The following WRN variants were observed in gnomAD, a reference collection of about 807,000 sequenced individuals.
The protein encoded by WRN is WRN RecQ like helicase.
A neutral mutation model predicts 180.7 loss-of-function variants in WRN; 149 were observed. The observed-to-expected ratio is 0.82, with a 90% confidence interval of 0.72 to 0.94. The LOEUF (loss-of-function observed/expected upper bound fraction) is 0.94. WRN is among the 40% of genes least tolerant of loss of function. The pLI is 0.00. For synonymous variants in WRN, 548 were observed against 568.9 expected (o/e 0.96, Z 0.52); for missense variants, 1,661 against 1,700.1 (o/e 0.98, Z 0.40).
At chr8:31,156,624 C>G (rs1182918833) in intron 32 of WRN, among the ~76,000 whole-genome samples, 1 of 152,184 alleles carries the variant, frequency 6.6e-6, no homozygotes, top group Non-Finnish European at 1.5e-5. Flanking sequence ...AGTCTAAATT[C>G]AGACTTTGAA....
chr8:31,073,322 T>C (rs1317266230), intron 7 of WRN, among the ~76,000 whole-genome samples: 1 of 152,112 alleles, frequency 6.6e-6, no homozygotes, highest in East Asian at 1.9e-4. Flanking sequence ...AAGATATATA[T>C]TGTGAAGGAT....
chr8:31,103,351 G>T (rs1278847390), intron 18 of WRN, among the ~76,000 whole-genome samples: 1 of 152,214 alleles, frequency 6.6e-6, no homozygotes, highest in Non-Finnish European at 1.5e-5. Flanking sequence ...GTATATAATT[G>T]TATGTGCTAT....
rs1202899288 is a variant in WRN, at chr8:31,150,426, A to G, written c.3658A>G (p.Lys1220Glu). Residue 1220 changes from lysine (K) to glutamate (E), a missense_variant, in exon 31 of 35, where the codon AAA (lysine) becomes GAA (glutamate). Around this residue, in one of 3 missense-constraint regions of WRN, gnomAD observed 1,141 missense variants for 1,149.4 expected, o/e 0.99. Coordinates refer to ENST00000298139, the MANE Select transcript of WRN (RefSeq NM_000553.6). ...AMLAPLLEVI[K>E]HFCQTNSVQT... is the part of the protein sequence containing the mutation. Reference sequence around the variant, plus strand: ...GTTGGCCCCTCTGTTGGAAGTCATCAAACATTTCTGCCAAACAAATAGTGT... The same window carrying G: ...GTTGGCCCCTCTGTTGGAAGTCATCGAACATTTCTGCCAAACAAATAGTGT... The G allele has an allele frequency of 6.2e-6, 10 of 1,614,044 alleles. No homozygotes were observed. Among genetic ancestry groups the G allele is most frequent in the African/African-American group, 1.3e-5 (1 of 74,940 alleles).
At position 31,121,773 on chromosome 8, in the gene WRN, TGAGTA is replaced by T. The variant is rs537960639; in HGVS notation, c.2630+1351_2630+1355del. On this transcript the variant is annotated intron_variant, in intron 21 of 34. Coordinates refer to ENST00000298139, the MANE Select transcript of WRN (RefSeq NM_000553.6). ...GATGCAAATTTTAAGATTTTCCTTC[TGAGTA>T]GTCAGTAGCTTTTCCTTCTTAACAT... 5.7e-3 allele frequency among the ~76,000 whole-genome samples: 865 copies of T among 152,104 alleles called. 11 individuals carry two copies. Among genetic ancestry groups the T allele is most frequent in the African/African-American group, 0.019 (781 of 41,542 alleles).
At chr8:31,037,761 A>C (rs1425362502) in intron 1 of WRN, among the ~76,000 whole-genome samples, 1 of 152,154 alleles carries the variant, frequency 6.6e-6, no homozygotes, top group African/African-American at 2.4e-5. Context: ...TCTTTATGCC[A>C]GTACCGTGCT....
At chr8:31,129,322 C>T (rs1003667241) in intron 23 of WRN, among the ~76,000 whole-genome samples, 4 of 152,158 alleles carry the variant, frequency 2.6e-5, no homozygotes, top group Admixed American at 6.5e-5. Context: ...CACAGCCATG[C>T]CTTTTGTTTA....
intron 7 of WRN, among the ~76,000 whole-genome samples, chr8:31,071,352 C>T (rs546585249): frequency 6.6e-6 from 1 of 152,074 alleles, no homozygotes; most frequent in South Asian, 2.1e-4. Context: ...GAATAAAAAA[C>T]GGATATAGGA....
At chr8:31,153,622 A>G (rs1452896607) in intron 31 of WRN, among the ~76,000 whole-genome samples, 1 of 152,114 alleles carries the variant, frequency 6.6e-6, no homozygotes, top group African/African-American at 2.4e-5. Context: ...TAATCCCCCA[A>G]AGTATTTGGC....
intron 1 of WRN, among the ~76,000 whole-genome samples, chr8:31,052,494 T>G (rs1480473232): frequency 6.6e-6 from 1 of 152,116 alleles, no homozygotes; most frequent in Non-Finnish European, 1.5e-5. Context: ...CTCAAGTGAT[T>G]CTTGTGCCTC....
intron 6 of WRN, among the ~76,000 whole-genome samples, chr8:31,067,602 G>A (rs1812762258): frequency 6.6e-6 from 1 of 152,152 alleles, no homozygotes; most frequent in Admixed American, 6.5e-5. Flanking sequence ...TATATAAAAT[G>A]TGGTGAAATT....
At chr8:31,068,434 T>C in intron 7 of WRN, 107 bp downstream of exon 7, 6 of 927,080 alleles carry the variant, frequency 6.5e-6, no homozygotes, top group Non-Finnish European at 5.1e-6. Context: ...TATAACTTCT[T>C]GAATGTCTGA....
At chr8:31,079,032 T>C (rs952805173) in intron 8 of WRN, among the ~76,000 whole-genome samples, 5 of 152,236 alleles carry the variant, frequency 3.3e-5, no homozygotes, top group Non-Finnish European at 7.3e-5. Context: ...TACTAAACTA[T>C]TTGCATATAA....
chr8:31,094,292 A>G (rs1813870305), intron 16 of WRN, among the ~76,000 whole-genome samples: 1 of 152,026 alleles, frequency 6.6e-6, no homozygotes, highest in Admixed American at 6.6e-5. Flanking sequence ...CTAACTCCCA[A>G]AAGAAATTCC....
chr8:31,145,469 C>A (rs142048991), intron 28 of WRN, among the ~76,000 whole-genome samples: 1 of 152,268 alleles, frequency 6.6e-6, no homozygotes, highest in African/African-American at 2.4e-5. Flanking sequence ...ATTGTTGAAA[C>A]CTGCTTAGAC....
intron 1 of WRN, among the ~76,000 whole-genome samples, chr8:31,038,582 T>C (rs946240283): frequency 5.3e-5 from 8 of 152,144 alleles, no homozygotes; most frequent in Non-Finnish European, 1.2e-4. Flanking sequence ...AGTTTATCTG[T>C]TTTTTCTTTT....
chr8:31,107,219 C>T, intron 18 of WRN, among the ~76,000 whole-genome samples: 1 of 150,904 alleles, frequency 6.6e-6, no homozygotes, highest in South Asian at 2.1e-4. Flanking sequence ...TGGTGAAAGT[C>T]ACTAGGCACA....
At chr8:31,147,193 A>G (rs1023146429) in intron 29 of WRN, 65 bp downstream of exon 29, 2 of 1,556,576 alleles carry the variant, frequency 1.3e-6, no homozygotes, top group East Asian at 4.5e-5. Context: ...GTATGCTTAA[A>G]ATTCTGTATT....
chr8:31,089,595 C>T (rs949228833), intron 13 of WRN, among the ~76,000 whole-genome samples: 2 of 151,794 alleles, frequency 1.3e-5, no homozygotes, highest in African/African-American at 4.8e-5. Flanking sequence ...GTCTTACATA[C>T]AGAAAAGTGC....
At chr8:31,089,104 A>G in intron 13 of WRN, 139 bp downstream of exon 13, 1 of 708,334 alleles carries the variant, frequency 1.4e-6, no homozygotes, top group Non-Finnish European at 2.4e-6. Flanking sequence ...TTTCTGTGTG[A>G]CTACAAAATT....
Sources: gnomAD v4.1 joint callset for allele counts (sites outside exome capture counted in the v4.1 genomes callset) on GRCh38, gnomAD v4.1.1 for gene constraint, gnomAD v4.1.1 regional missense constraint, MANE v1.5 for transcripts, NCBI Gene and HGNC (gene_info 2026-07-23, HGNC 2026-07-21) for gene names.